The following SHQ1 variants were observed in gnomAD, a reference collection of about 807,000 sequenced individuals.
SHQ1 encodes SHQ1, H/ACA ribonucleoprotein assembly factor.
SHQ1 carries 49 observed loss-of-function variants against 53.8 expected under a neutral mutation model. That is an observed-to-expected ratio of 0.91 (90% CI 0.72 to 1.16). The LOEUF is 1.16. Ranked by LOEUF, SHQ1 falls within the 50% of genes most tolerant of loss-of-function variation. SHQ1 has a pLI of 0.00. For missense variants in SHQ1, 738 were observed against 683.1 expected (o/e 1.08, Z -0.90); for synonymous variants, 243 against 251.0 (o/e 0.97, Z 0.30).
At position 72,808,707 on chromosome 3, in the gene SHQ1, G is replaced by A. The variant is rs1707030402; in HGVS notation, c.1060+3964C>T. ...TAAATTATGGGGTGTCCGAACAAAC[G>A]AGCCTCTTCAGTGGCAATAATGGCA... On this transcript the variant is annotated intron_variant, in intron 9 of 10. Coordinates refer to ENST00000325599, the MANE Select transcript of SHQ1 (RefSeq NM_018130.3). Among the ~76,000 whole-genome samples the A allele has an allele frequency of 2.0e-5, 3 of 152,152 alleles. No homozygotes were observed. In the South Asian group the frequency reaches 6.2e-4, roughly 32 times the overall value.
intron 9 of SHQ1, among the ~76,000 whole-genome samples, chr3:72,809,096 T>G (rs962189500): frequency 1.3e-5 from 2 of 151,412 alleles, no homozygotes; most frequent in Non-Finnish European, 2.9e-5. Flanking sequence ...AGATACCAAC[T>G]GGAGAGTACA....
At chr3:72,804,639 T>A (rs1706885984) in intron 9 of SHQ1, among the ~76,000 whole-genome samples, 1 of 152,230 alleles carries the variant, frequency 6.6e-6, no homozygotes, top group Admixed American at 6.5e-5. Context: ...TTGATTCATG[T>A]CTGCTGAATA....
intron 10 of SHQ1, among the ~76,000 whole-genome samples, chr3:72,777,420 A>G (rs1002624846): frequency 9.9e-5 from 15 of 152,228 alleles, no homozygotes; most frequent in African/African-American, 3.6e-4. Flanking sequence ...GGAAACACCA[A>G]TGGCTCATAA....
At chr3:72,832,272 C>A in intron 5 of SHQ1, 97 bp downstream of exon 5, 1 of 829,664 alleles carries the variant, frequency 1.2e-6, no homozygotes, top group South Asian at 1.5e-5. Flanking sequence ...TTTCTGGAAT[C>A]CGAAATGCAC....
chr3:72,761,655 T>C (rs1575677398), intron 10 of SHQ1, among the ~76,000 whole-genome samples: 2 of 152,284 alleles, frequency 1.3e-5, no homozygotes, highest in East Asian at 3.9e-4. Context: ...TCTAAGTATT[T>C]CACATGGTAA....
intron 5 of SHQ1, among the ~76,000 whole-genome samples, chr3:72,826,688 C>A (rs1333757727): frequency 6.6e-6 from 1 of 152,118 alleles, no homozygotes; most frequent in South Asian, 2.1e-4. Context: ...ATACCTAAAC[C>A]AATGGTTGAA....
At position 72,749,937 on chromosome 3, in the gene SHQ1, T is replaced by C; in HGVS notation, c.*347A>G. On this transcript the variant is annotated 3_prime_UTR_variant, in exon 11 of 11. Transcript: ENST00000325599. ...AGATGCTCAAGCCCCTGATAAAAAA[T>C]GGTGCAGTATTTGCATATAACCTAC... 1 of 246,486 alleles carries C rather than the reference T, an allele frequency of 4.1e-6. No homozygotes were observed. Among genetic ancestry groups the C allele is most frequent in the Non-Finnish European group, 7.8e-6 (1 of 128,012 alleles). The allele number at this position is 246,486 out of a possible 1,614,324, so 15.3% of individuals were successfully genotyped here.
At chr3:72,728,558 G>A in the SHQ1 span, among the ~76,000 whole-genome samples, 1 of 152,210 alleles carries the variant, frequency 6.6e-6, no homozygotes, top group East Asian at 1.9e-4. Context: ...GAACCCTCCT[G>A]AAAATTCAGG....
Position 72,848,099 on chromosome 3 carries a change from T to C in SHQ1, c.143+99A>G, listed in dbSNP as rs1477424750. Reference sequence around the variant, plus strand: ...GCTGCGGAAACGTCGGGAAAAGGCATTCGCGCAATCGAGCACTGCTCTCTC... The same window carrying C: ...GCTGCGGAAACGTCGGGAAAAGGCACTCGCGCAATCGAGCACTGCTCTCTC... On this transcript the variant is annotated intron_variant, in intron 1 of 10. Coordinates refer to ENST00000325599, the MANE Select transcript of SHQ1 (RefSeq NM_018130.3). 5.5e-6 allele frequency: 8 copies of C among 1,450,138 alleles called. No individual in the cohort carries two copies. The Admixed American group carries it at 1.5e-4, about 27-fold the overall frequency. 89.8% of individuals were successfully genotyped at this position (1,450,138 alleles called of 1,614,324 possible).
chr3:72,776,168 C>T (rs954833670), intron 10 of SHQ1, among the ~76,000 whole-genome samples: 2 of 152,180 alleles, frequency 1.3e-5, no homozygotes, highest in African/African-American at 4.8e-5. Context: ...AGTCTGACAA[C>T]GTAGCTGGAT....
intron 10 of SHQ1, among the ~76,000 whole-genome samples, chr3:72,788,377 G>T (rs1706311919): frequency 6.6e-6 from 1 of 151,862 alleles, no homozygotes; most frequent in Non-Finnish European, 1.5e-5. Flanking sequence ...CCCCATCTGG[G>T]AGGTGAGGAG....
At position 72,846,344 on chromosome 3, in the gene SHQ1, G is replaced by C. The variant is rs899929212; in HGVS notation, c.143+1854C>G. The C allele has an allele frequency of 7.3e-6, 11 of 1,515,628 alleles. No homozygotes were observed. The African/African-American group carries it at 1.5e-4, about 21-fold the overall frequency. 93.9% of individuals were successfully genotyped at this position (1,515,628 alleles called of 1,614,324 possible). ...CAGTCTCGCTCTGTTACTCAGGCTG[G>C]AGTGCGATAGCGCAATCTTGGCTCA... On this transcript the variant is annotated intron_variant, in intron 1 of 10. Transcript: ENST00000325599.
chr3:72,805,133 T>C (rs1232803443), intron 9 of SHQ1, among the ~76,000 whole-genome samples: 2 of 152,218 alleles, frequency 1.3e-5, no homozygotes, highest in Non-Finnish European at 2.9e-5. Flanking sequence ...AGATACAGTA[T>C]ACTTCAGCTC....
At chr3:72,786,390 T>A (rs1017179019) in intron 10 of SHQ1, among the ~76,000 whole-genome samples, 1 of 152,200 alleles carries the variant, frequency 6.6e-6, no homozygotes, top group African/African-American at 2.4e-5. Flanking sequence ...AGGCCAAGCA[T>A]CTTTAGGTGG....
At chr3:72,794,374 A>G (rs995988244) in intron 9 of SHQ1, 4 of 152,350 alleles carry the variant, frequency 2.6e-5, no homozygotes, top group African/African-American at 7.2e-5. Flanking sequence ...AATACCTAGA[A>G]CAGAACACCG....
At chr3:72,759,674 G>A (rs1479769875) in intron 10 of SHQ1, among the ~76,000 whole-genome samples, 1 of 151,878 alleles carries the variant, frequency 6.6e-6, no homozygotes, top group East Asian at 1.9e-4. Context: ...CTCAGCAACA[G>A]AGGGAGACTC....
the SHQ1 span, among the ~76,000 whole-genome samples, chr3:72,731,637 G>A: frequency 1.3e-5 from 2 of 150,856 alleles, no homozygotes; most frequent in East Asian, 1.9e-4. Context: ...GTAGTGAGCC[G>A]AGATTGTGCC....
chr3:72,801,388 C>T (rs535282997), intron 9 of SHQ1, among the ~76,000 whole-genome samples: 1 of 152,016 alleles, frequency 6.6e-6, no homozygotes, highest in African/African-American at 2.4e-5. Context: ...TTTTTTCCAA[C>T]AGATACCACT....
In SHQ1 at chr3:72,793,017, C is replaced by T; in HGVS notation, c.1080G>A (p.Lys360=). 6.2e-7 allele frequency: 1 copy of T among 1,607,046 alleles called. No individual in the cohort carries two copies. The highest frequency in any genetic ancestry group is 8.5e-7 in the Non-Finnish European group (1 of 1,176,722). Residue 360 remains lysine (K), a synonymous_variant, in exon 10 of 11, where the codon AAG becomes AAA. Coordinates refer to ENST00000325599, the MANE Select transcript of SHQ1 (RefSeq NM_018130.3). The part of the protein sequence containing the change: ...ILQLGKSAVL[K]CLLDIHKIFQ... ...AAATTTTGTGAATATCCAGGAGACA[C>T]TTTAAAACTGCACTTTTACCTAAAG...
Sources: gnomAD v4.1 joint callset for allele counts (sites outside exome capture counted in the v4.1 genomes callset) on GRCh38, gnomAD v4.1.1 for gene constraint, MANE v1.5 for transcripts, NCBI Gene and HGNC (gene_info 2026-07-23, HGNC 2026-07-21) for gene names.